The following ABCC4 variants were observed in gnomAD, a reference collection of about 807,000 sequenced individuals.
ABCC4 encodes the protein ATP binding cassette subfamily C member 4 (PEL blood group).
In ABCC4, 102 loss-of-function variants were observed where a neutral mutation model predicts 168.5. The ratio of observed to expected loss-of-function variants is 0.61; its 90% CI spans 0.52 to 0.71. The LOEUF is 0.71. ABCC4 is among the 30% of genes least tolerant of loss of function. ABCC4 has a pLI of 0.00. For synonymous variants in ABCC4, 617 were observed against 590.7 expected (o/e 1.04, Z -0.65); for missense variants, 1,402 against 1,605.8 (o/e 0.87, Z 2.17).
At chr13:95,237,681 T>A (rs1048047839) in intron 3 of ABCC4, among the ~76,000 whole-genome samples, 3 of 152,086 alleles carry the variant, frequency 2.0e-5, no homozygotes, top group African/African-American at 7.2e-5. Flanking sequence ...TTTCTTGGAG[T>A]GACACATTAC....
intron 1 of ABCC4, among the ~76,000 whole-genome samples, chr13:95,287,430 T>C (rs2138938791): frequency 6.6e-6 from 1 of 151,488 alleles, no homozygotes; most frequent in East Asian, 2.0e-4. Context: ...CTACTAAAAA[T>C]ACAAAAATTA....
intron 23 of ABCC4, 160 bp from the exon 24 acceptor site, chr13:95,073,464 T>C (rs867631048): frequency 8.6e-6 from 4 of 467,142 alleles, no homozygotes; most frequent in African/African-American, 2.0e-5. Context: ...GAGATCAAGA[T>C]ACAATGGGGA....
chr13:95,170,057 C>T (rs575873862), intron 14 of ABCC4, among the ~76,000 whole-genome samples: 19 of 152,056 alleles, frequency 1.2e-4, no homozygotes, highest in East Asian at 5.8e-4. Context: ...GGGGTTTCAC[C>T]GTGTTAGACA....
intron 19 of ABCC4, among the ~76,000 whole-genome samples, chr13:95,126,764 T>C (rs1424609759): frequency 2.1e-5 from 3 of 142,750 alleles, no homozygotes; most frequent in Non-Finnish European, 4.6e-5. Flanking sequence ...TTCCAAAATA[T>C]ATATATATTT....
intron 11 of ABCC4, among the ~76,000 whole-genome samples, chr13:95,186,475 C>T (rs1368130028): frequency 3.3e-5 from 5 of 152,156 alleles, no homozygotes; most frequent in Non-Finnish European, 5.9e-5. Context: ...TAAAACTTCA[C>T]AAAACCAACC....
At chr13:95,255,792 G>T (rs535895041) in intron 1 of ABCC4, among the ~76,000 whole-genome samples, 5 of 152,244 alleles carry the variant, frequency 3.3e-5, no homozygotes, top group African/African-American at 1.2e-4. Flanking sequence ...GGTTCAACAT[G>T]GGTCCTTCCA....
intron 15 of ABCC4, 110 bp downstream of exon 15, chr13:95,166,048 G>C: frequency 2.8e-6 from 3 of 1,063,764 alleles, no homozygotes; most frequent in Non-Finnish European, 4.2e-6. Flanking sequence ...TGAAACCACA[G>C]AATCCACTTT....
At chr13:95,153,812 C>T (rs1258486846) in intron 19 of ABCC4, among the ~76,000 whole-genome samples, 1 of 152,132 alleles carries the variant, frequency 6.6e-6, no homozygotes, top group Admixed American at 6.5e-5. Flanking sequence ...TAATCGCTTA[C>T]ATACAGATTA....
chr13:95,094,176 A>T (rs552127134), intron 20 of ABCC4, among the ~76,000 whole-genome samples: 36 of 152,018 alleles, frequency 2.4e-4, no homozygotes, highest in Non-Finnish European at 1.8e-4. Context: ...TTAAAAAAAA[A>T]AATTCTAAAA....
At chr13:95,278,574 T>G (rs1321500654) in intron 1 of ABCC4, among the ~76,000 whole-genome samples, 1 of 151,958 alleles carries the variant, frequency 6.6e-6, no homozygotes, top group Non-Finnish European at 1.5e-5. Flanking sequence ...GTGGGTGGAT[T>G]GCATGAGCCA....
rs143812256 is a variant in ABCC4 at position 95,188,878 on chromosome 13, A to AAT, written c.1264-338_1264-337dup. Among the ~76,000 whole-genome samples, 1,097 of 152,088 alleles carry AAT rather than the reference A, an allele frequency of 7.2e-3. 8 individuals carry two copies. The highest frequency in any genetic ancestry group is 0.024 in the African/African-American group (1,015 of 41,502). ...AAAACTCATGCTAACTTACTAAAAC[A>AAT]ATATATATATATTTTTTACTTTAAG... On this transcript the variant is annotated intron_variant, in intron 9 of 30. Coordinates refer to ENST00000645237, the MANE Select transcript of ABCC4 (RefSeq NM_005845.5).
intron 1 of ABCC4, among the ~76,000 whole-genome samples, chr13:95,290,446 T>C (rs2041368792): frequency 6.6e-6 from 1 of 152,124 alleles, no homozygotes; most frequent in African/African-American, 2.4e-5. Flanking sequence ...GTCTCACGCC[T>C]GTAATCCCAG....
intron 1 of ABCC4, 32 bp from the exon 2 acceptor site, chr13:95,247,785 G>C (rs1296052055): frequency 6.4e-7 from 1 of 1,559,436 alleles, no homozygotes; most frequent in African/African-American, 1.4e-5. Flanking sequence ...CATATATCCA[G>C]AATTACACAT....
intron 8 of ABCC4, among the ~76,000 whole-genome samples, chr13:95,203,237 A>C (rs2038681697): frequency 6.6e-6 from 1 of 152,098 alleles, no homozygotes; most frequent in African/African-American, 2.4e-5. Flanking sequence ...GGCCAGGAAG[A>C]CAGACTAATT....
At chr13:95,086,529 T>C (rs1438941104) in intron 20 of ABCC4, among the ~76,000 whole-genome samples, 1 of 152,196 alleles carries the variant, frequency 6.6e-6, no homozygotes, top group African/African-American at 2.4e-5. Flanking sequence ...CAAGCATAAT[T>C]TTAACTACAA....
intron 9 of ABCC4, among the ~76,000 whole-genome samples, chr13:95,189,646 T>C (rs1332817111): frequency 2.6e-5 from 4 of 152,208 alleles, no homozygotes; most frequent in Non-Finnish European, 5.9e-5. Flanking sequence ...CAGAAGGCAC[T>C]TTATACTATA....
chr13:95,237,324 C>T (rs1409042925), intron 3 of ABCC4, among the ~76,000 whole-genome samples: 3 of 152,102 alleles, frequency 2.0e-5, no homozygotes, highest in South Asian at 4.1e-4. Flanking sequence ...TAATAAGAAA[C>T]GAAACAACTG....
intron 9 of ABCC4, among the ~76,000 whole-genome samples, chr13:95,193,573 CTGTG>C (rs1263397093): frequency 6.6e-6 from 1 of 152,252 alleles, no homozygotes; most frequent in African/African-American, 2.4e-5. Context: ...CTCTCCCATG[CTGTG>C]TGTTCTGTTT....
At chr13:95,046,811 T>C (rs570848971) in intron 27 of ABCC4, among the ~76,000 whole-genome samples, 8 of 152,168 alleles carry the variant, frequency 5.3e-5, no homozygotes, top group South Asian at 2.1e-4. Context: ...AGTGTTATCA[T>C]ACATTCAAGT....
Sources: gnomAD v4.1 joint callset for allele counts (sites outside exome capture counted in the v4.1 genomes callset) on GRCh38, gnomAD v4.1.1 for gene constraint, MANE v1.5 for transcripts, NCBI Gene and HGNC (gene_info 2026-07-23, HGNC 2026-07-21) for gene names.